Variants in DOCK6 observed in about 807,000 individuals in gnomAD.
DOCK6 encodes dedicator of cytokinesis protein 6.
Under a neutral mutation model 230.3 loss-of-function variants are expected in DOCK6, and 167 were observed. The observed-to-expected ratio is 0.73, with a 90% CI of 0.64 to 0.82. The LOEUF (loss-of-function observed/expected upper bound fraction) is 0.82, where lower values mean the gene tolerates loss of function less well. Among genes scored for constraint, DOCK6 ranks in the 40% least tolerant of loss-of-function variants. The pLI, the probability that DOCK6 is intolerant of heterozygous loss-of-function variation, is 0.00. For missense variants in DOCK6, 2,598 were observed against 2,825.8 expected, an observed-to-expected ratio of 0.92 and a Z score of 1.83; for synonymous variants, 1,148 against 1,185.0, an observed-to-expected ratio of 0.97 and a Z score of 0.64.
chr19:11,200,552 G>T lies in DOCK6; in HGVS notation c.5940-83C>A. On this transcript the variant is annotated intron_variant, in intron 46 of 47. Transcript: ENST00000294618. This position sits in a 1 kb window ranked among gnomAD's most constrained non-coding sequence, Gnocchi z 4.3. ...CTAGGGGTGGGGGCACCCATAAGGC[G>T]GGACCAGGCCTGCAGAAAGACCCGC... The T allele has an allele frequency of 6.4e-7, 1 of 1,552,274 alleles. No individual in the cohort carries two copies. The highest frequency in any genetic ancestry group is 8.7e-7 in the Non-Finnish European group (1 of 1,149,324).
rs181349608 is a variant in DOCK6, at chr19:11,202,208, G to A, written c.5452-83C>T. 7.4e-5 allele frequency: 110 copies of A among 1,478,170 alleles called. No individual in the cohort carries two copies. The highest frequency in any genetic ancestry group is 1.3e-4 in the Admixed American group (7 of 53,110). The allele number at this position is 1,478,170 out of a possible 1,614,324, so 91.6% of individuals were successfully genotyped here. A position where few individuals can be genotyped will look rare whatever the true frequency, so the allele number is the denominator to read the frequency against. Reference sequence around the variant, plus strand: ...TGTTCCTGGAGAGAGGGGATCTGGGGACTTTGTCATTTCCAAGTCTTCCTA... The same window carrying A: ...TGTTCCTGGAGAGAGGGGATCTGGGAACTTTGTCATTTCCAAGTCTTCCTA... On this transcript the variant is annotated intron_variant, in intron 43 of 47. Coordinates refer to ENST00000294618, the MANE Select transcript of DOCK6 (RefSeq NM_020812.4). This position sits in a 1 kb window ranked among gnomAD's most constrained non-coding sequence, Gnocchi z 5.3.
intron 39 of DOCK6, among the ~76,000 whole-genome samples, chr19:11,204,974 C>T (rs1029924998): frequency 6.6e-6 from 1 of 152,220 alleles, no homozygotes; most frequent in African/African-American, 2.4e-5. Context: ...AAGTGAGTCT[C>T]AGAGACAGAG....
chr19:11,209,027 G>A lies in DOCK6; in HGVS notation c.4828C>T (p.Leu1610=). ...TGGGCGGCCTCGGCGTGGTTGCCCA[G>A]CTCCGCGTGCTTCCCGGCCATGTTC... is the stretch of plus-strand genomic sequence containing the variant. ...LQNMAGKHAE[L]GNHAEAAQCM... Residue 1610 remains leucine (L), a synonymous_variant, in exon 38 of 48, where the codon CTG becomes TTG. Transcript: ENST00000294618. 1 of 1,611,978 alleles carries A rather than the reference G, an allele frequency of 6.2e-7. No individual in the cohort carries two copies. Among genetic ancestry groups the A allele is most frequent in the South Asian group, 1.1e-5 (1 of 90,968 alleles).
chr19:11,220,324 C>G lies in DOCK6; in HGVS notation c.3550+1527G>C, dbSNP rs143204208. ...TGCTCTTAAAAAGGTAACCCCCATT[C>G]TCTCCCCTAAAAAGTCTCAACAGAG... is the stretch of plus-strand genomic sequence containing the variant. On this transcript the variant is annotated intron_variant, in intron 28 of 47. Coordinates refer to ENST00000294618, the MANE Select transcript of DOCK6 (RefSeq NM_020812.4). Among the ~76,000 whole-genome samples the G allele has an allele frequency of 1.4e-3, 213 of 152,254 alleles. 1 individual carries two copies. Among genetic ancestry groups the G allele is most frequent in the African/African-American group, 5.0e-3 (208 of 41,550 alleles).
chr19:11,245,808 C>T lies in DOCK6; in HGVS notation c.873+4G>A. On this transcript the variant is annotated splice_donor_region_variant and intron_variant, in intron 8 of 47. Transcript: ENST00000294618. ...GGGAGGAAAGAGAAAAAAGGGCCTC[C>T]TACCTTCTTTTTCTCCCGCACATCA... 6.3e-7 allele frequency: 1 copy of T among 1,579,666 alleles called. No individual in the cohort carries two copies. The highest frequency in any genetic ancestry group is 8.6e-7 in the Non-Finnish European group (1 of 1,162,448).
At chr19:11,203,753 T>C (rs554843442) in intron 41 of DOCK6, 2 of 450,164 alleles carry the variant, frequency 4.4e-6, no homozygotes, top group Non-Finnish European at 7.9e-6. Flanking sequence ...TGGGGAGAGA[T>C]GAGAAAGAGA....
chr19:11,250,386 C>T (rs1218513992), intron 6 of DOCK6, among the ~76,000 whole-genome samples: 13 of 151,636 alleles, frequency 8.6e-5, no homozygotes. Flanking sequence ...GTGATTTCGG[C>T]TCACTGCAGC....
At chr19:11,224,490 C>T (rs1035883284) in intron 24 of DOCK6, among the ~76,000 whole-genome samples, 5 of 152,100 alleles carry the variant, frequency 3.3e-5, no homozygotes, top group African/African-American at 4.8e-5. Flanking sequence ...GGATTACAGG[C>T]GTGAGCCACC....
chr19:11,208,565 C>T (rs2079303507), intron 39 of DOCK6, 121 bp downstream of exon 39: 16 of 1,387,158 alleles, frequency 1.2e-5, no homozygotes, highest in Middle Eastern at 3.7e-4. Flanking sequence ...AGGCGTGAGC[C>T]ACCGCGCCCA....
In DOCK6 at chr19:11,208,994, C is replaced by T. The variant is rs760643240; in HGVS notation, c.4861G>A (p.Val1621Met). Residue 1621 changes from valine to methionine, a missense_variant, in exon 38 of 48, where the codon GTG becomes ATG. Transcript: ENST00000294618. ...GNHAEAAQCM[V>M]HAAALVAEYL... ...TCAGCCACGAGGGCGGCCGCGTGCA[C>T]CATGCACTGGGCGGCCTCGGCGTGG... 6.2e-6 allele frequency: 10 copies of T among 1,611,144 alleles called. No individual in the cohort carries two copies. The highest frequency in any genetic ancestry group is 8.5e-6 in the Non-Finnish European group (10 of 1,178,906).
rs372177293 is a variant in DOCK6, at chr19:11,238,260, C to A, written c.1688G>T (p.Arg563Leu). The change falls in exon 15 of 48, where the codon CGC (arginine) becomes CTC (leucine). Residue 563 changes from arginine to leucine, a missense_variant. By Grantham distance (102) the Arg-to-Leu change is moderately radical. Coordinates refer to ENST00000294618, the MANE Select transcript of DOCK6 (RefSeq NM_020812.4). ...VYPHSLNFSS[R>L]QGSVRNLAVR... Reference sequence around the variant, plus strand: ...AGCAAGGTTGCGCACGGAGCCCTGGCGGCTGCTGAAGTTGAGGCTGTGCGG... The same window carrying A: ...AGCAAGGTTGCGCACGGAGCCCTGGAGGCTGCTGAAGTTGAGGCTGTGCGG... 2 of 1,612,826 alleles carry A rather than the reference C, an allele frequency of 1.2e-6. No individual in the cohort carries two copies.
chr19:11,260,608 C>T (rs961846301), intron 1 of DOCK6, among the ~76,000 whole-genome samples: 11 of 146,018 alleles, frequency 7.5e-5, no homozygotes, highest in Non-Finnish European at 1.5e-5. Flanking sequence ...AAAAAAAAAG[C>T]CTGGGTGCAG....
chr19:11,200,576 G>A lies in DOCK6; in HGVS notation c.5940-107C>T, dbSNP rs2079152413. The stretch of plus-strand genomic sequence containing the variant: ...CGGGACCAGGCCTGCAGAAAGACCC[G>A]CAATAGGAGGTCAGGTTGGGAGAGT... On this transcript the variant is annotated intron_variant, in intron 46 of 47. Transcript: ENST00000294618. The surrounding 1 kb of genome is among the most constrained non-coding windows in gnomAD (Gnocchi z 4.3). 2.0e-5 allele frequency: 30 copies of A among 1,518,350 alleles called. No homozygotes were observed. Among genetic ancestry groups the A allele is most frequent in the South Asian group, 9.6e-5 (8 of 83,034 alleles). The allele number at this position is 1,518,350 out of a possible 1,614,324, so 94.1% of individuals were successfully genotyped here. A position where few individuals can be genotyped will look rare whatever the true frequency, so the allele number is the denominator to read the frequency against.
At chr19:11,237,424 G>T (rs936189015) in intron 18 of DOCK6, 32 bp downstream of exon 18, 2 of 1,611,682 alleles carry the variant, frequency 1.2e-6, no homozygotes, top group Non-Finnish European at 1.7e-6. Flanking sequence ...TGGGGACAGT[G>T]CATTGGCAGG....
chr19:11,242,038 G>A lies in DOCK6; in HGVS notation c.1643+7C>T, dbSNP rs769139369. ...TCAAGTGCCCAGCTGGGCCCCAGAG[G>A]CCGTACCTGTAGCTGGTATGGGGGG... On this transcript the variant is annotated splice_region_variant and intron_variant, in intron 14 of 47. Coordinates refer to ENST00000294618, the MANE Select transcript of DOCK6 (RefSeq NM_020812.4). 19 of 1,567,090 alleles carry A rather than the reference G, an allele frequency of 1.2e-5. No individual in the cohort carries two copies. Among genetic ancestry groups the A allele is most frequent in the Non-Finnish European group, 1.6e-5 (19 of 1,165,800 alleles).
At chr19:11,203,974 G>A in intron 41 of DOCK6, 107 bp downstream of exon 41, 4 of 1,450,210 alleles carry the variant, frequency 2.8e-6, no homozygotes, top group Non-Finnish European at 3.8e-6. Context: ...CAGCCCCAAG[G>A]GCCAGCGGCC....
chr19:11,224,994 G>C (rs2079641726), intron 24 of DOCK6, among the ~76,000 whole-genome samples: 1 of 152,018 alleles, frequency 6.6e-6, no homozygotes, highest in Non-Finnish European at 1.5e-5. Flanking sequence ...AACCCAGGAG[G>C]AGGAGGTTGC....
At chr19:11,213,381 A>G in intron 34 of DOCK6, 53 bp from the exon 35 acceptor site, 2 of 1,575,022 alleles carry the variant, frequency 1.3e-6, no homozygotes, top group East Asian at 2.3e-5. Flanking sequence ...GTTCTGGCTC[A>G]GAAGGGGACT....
Position 11,238,028 on chromosome 19 carries a change from C to G in DOCK6, c.1832+17G>C. ...CCCATGAGTGCCCCCAAGTTCCTCA[C>G]GTGTCCCCCTACATACTTGTTATGG... is the stretch of plus-strand genomic sequence containing the variant. On this transcript the variant is annotated intron_variant, in intron 16 of 47. Coordinates refer to ENST00000294618, the MANE Select transcript of DOCK6 (RefSeq NM_020812.4). The G allele has an allele frequency of 6.2e-7, 1 of 1,613,616 alleles. No homozygotes were observed.
Sources: allele counts gnomAD v4.1 joint callset (sites outside exome capture counted in the v4.1 genomes callset), GRCh38; gene constraint gnomAD v4.1.1; non-coding constraint Gnocchi (gnomAD v3.1); transcripts MANE v1.5; gene names NCBI Gene and HGNC (gene_info 2026-07-23, HGNC 2026-07-21).